The following IPO7 variants were observed in gnomAD, a reference collection of about 807,000 sequenced individuals.
IPO7 encodes importin 7, also known as importin-7.
IPO7 carries 13 observed loss-of-function variants against 136.4 expected under a neutral mutation model. That is an observed-to-expected ratio of 0.10 (90% CI 0.06 to 0.15). IPO7 has a LOEUF of 0.15. Ranked by LOEUF, IPO7 falls within the 10% of genes least tolerant of loss-of-function variation. The pLI is 1.00. For synonymous variants in IPO7, 403 were observed against 404.4 expected (o/e 1.00, Z 0.04); for missense variants, 857 against 1,240.6 (o/e 0.69, Z 4.65).
chr11:9,437,962 A>C lies in IPO7; in HGVS notation c.2477A>C (p.Asp826Ala). ...ATTACACAGTGGCTTAATGATGTTG[A>C]CTGTTTCTTGGGGTAAGTGATGTAT... ...HFITQWLNDV[D>A]CFLGLHDRKM... is the part of the protein sequence containing the mutation. Residue 826 changes from aspartate (D) to alanine (A), a missense_variant, in exon 21 of 25, where the codon GAC (aspartate) becomes GCC (alanine). Physicochemically the swap from Asp to Ala is moderately radical, Grantham distance 126 (BLOSUM62 -2). This residue lies in a region of IPO7 where 190 missense variants were observed against 249.0 expected (regional missense o/e 0.76). Coordinates refer to ENST00000379719, the MANE Select transcript of IPO7 (RefSeq NM_006391.3). 6.2e-7 allele frequency: 1 copy of C among 1,610,252 alleles called. No homozygotes were observed. The highest frequency in any genetic ancestry group is 8.5e-7 in the Non-Finnish European group (1 of 1,178,432).
intron 1 of IPO7, among the ~76,000 whole-genome samples, chr11:9,388,755 C>T (rs372061952): frequency 2.6e-5 from 4 of 151,954 alleles, no homozygotes; most frequent in East Asian, 3.9e-4. Flanking sequence ...GCAGTGGGCT[C>T]CACTGCACTA....
intron 3 of IPO7, 31 bp from the exon 4 acceptor site, chr11:9,409,897 T>G (rs762736943): frequency 3.4e-6 from 5 of 1,483,894 alleles, no homozygotes; most frequent in Non-Finnish European, 4.5e-6. Context: ...TAGTTAGGAT[T>G]TTTTCCTTAC....
chr11:9,403,043 G>T, intron 1 of IPO7: 1 of 412,146 alleles, frequency 2.4e-6, no homozygotes, highest in Non-Finnish European at 4.3e-6. Flanking sequence ...AAAAAAGAAT[G>T]CTAGTTGGGA....
chr11:9,423,398 T>C (rs1209391826), intron 9 of IPO7, among the ~76,000 whole-genome samples: 1 of 152,226 alleles, frequency 6.6e-6, no homozygotes, highest in Non-Finnish European at 1.5e-5. Flanking sequence ...TATTGGACTA[T>C]GATTATATTT....
At chr11:9,420,178 G>A (rs1047338732) in intron 6 of IPO7, 31 of 443,962 alleles carry the variant, frequency 7.0e-5, no homozygotes, top group African/African-American at 2.9e-4. Flanking sequence ...TTAGCTGGGC[G>A]TTGTGGCGGC....
At chr11:9,400,484 C>T (rs370128271) in intron 1 of IPO7, among the ~76,000 whole-genome samples, 11 of 151,840 alleles carry the variant, frequency 7.2e-5, no homozygotes, top group African/African-American at 2.4e-4. Flanking sequence ...TGCGGTGGCG[C>T]GATCTCGGCT....
intron 4 of IPO7, among the ~76,000 whole-genome samples, chr11:9,410,769 A>G (rs10770032): frequency 0.6 from 90,945 of 151,978 alleles, 27,814 homozygotes; most frequent in Non-Finnish European, 0.65. Flanking sequence ...TTTTAAGTCT[A>G]TAGTTGATAG....
At chr11:9,387,560 G>A (rs1057149750) in intron 1 of IPO7, among the ~76,000 whole-genome samples, 6 of 152,308 alleles carry the variant, frequency 3.9e-5, no homozygotes, top group South Asian at 4.1e-4. Flanking sequence ...GGCCAGGCAC[G>A]GTGGCTCACG....
chr11:9,430,492 A>T (rs1229908578), intron 15 of IPO7: 2 of 169,298 alleles, frequency 1.2e-5, no homozygotes, highest in African/African-American at 2.4e-5. Flanking sequence ...GAATTTTACA[A>T]AAGATAAATC....
chr11:9,397,361 T>TATATATATATATTAATATTA (rs377148636), intron 1 of IPO7, among the ~76,000 whole-genome samples: 1 of 42,282 alleles, frequency 2.4e-5, no homozygotes, highest in Non-Finnish European at 4.0e-5. Context: ...TATATATATA[T>TATATATATATATTAATATTA]ATATTAGTCG....
chr11:9,404,342 G>A (rs1040544853), intron 2 of IPO7, among the ~76,000 whole-genome samples: 2 of 151,504 alleles, frequency 1.3e-5, no homozygotes, highest in African/African-American at 4.8e-5. Context: ...GCGGGCGCCT[G>A]TAGTCCCAGC....
chr11:9,391,527 G>A (rs376317289), intron 1 of IPO7, among the ~76,000 whole-genome samples: 2 of 152,180 alleles, frequency 1.3e-5, no homozygotes, highest in East Asian at 3.9e-4. Context: ...CTAACATGGT[G>A]AAACCCCATT....
At chr11:9,435,112 A>C in intron 19 of IPO7, 81 bp downstream of exon 19, 1 of 827,530 alleles carries the variant, frequency 1.2e-6, no homozygotes, top group Non-Finnish European at 2.0e-6. Flanking sequence ...GTGATACCAC[A>C]TTGTAGTAAT....
At chr11:9,397,998 A>G (rs1044281343) in intron 1 of IPO7, among the ~76,000 whole-genome samples, 6 of 152,234 alleles carry the variant, frequency 3.9e-5, no homozygotes, top group Non-Finnish European at 8.8e-5. Context: ...TGATTGCAGC[A>G]GTTCTTTCCA....
At chr11:9,408,704 G>GTTTTTTTTTTTTTTTTT (rs377057603) in intron 3 of IPO7, 65 bp downstream of exon 3, 11 of 173,326 alleles carry the variant, frequency 6.3e-5, no homozygotes, top group African/African-American at 2.3e-4. Flanking sequence ...TTGTTTTTTG[G>GTTTTTTTTTTTTTTTTT]TTTTTTTTTT....
At chr11:9,433,272 C>A in intron 16 of IPO7, 1 of 307,756 alleles carries the variant, frequency 3.2e-6, no homozygotes, top group South Asian at 3.6e-5. Flanking sequence ...AGGCGTGAGC[C>A]ACCGCGCCCG....
chr11:9,409,708 T>C (rs1049271478), intron 3 of IPO7, among the ~76,000 whole-genome samples: 5 of 152,224 alleles, frequency 3.3e-5, no homozygotes, highest in African/African-American at 1.2e-4. Flanking sequence ...AACTTGTTTA[T>C]TGATGATAGG....
intron 12 of IPO7, among the ~76,000 whole-genome samples, chr11:9,426,447 A>G (rs892134273): frequency 6.6e-6 from 1 of 152,192 alleles, no homozygotes; most frequent in African/African-American, 2.4e-5. Context: ...CTGGCTGCTT[A>G]CAAATGTTGC....
chr11:9,417,177 C>T, intron 6 of IPO7, 29 bp downstream of exon 6: 1 of 914,094 alleles, frequency 1.1e-6, no homozygotes. Context: ...TCTTATATTA[C>T]TAAATGTAAA....
Sources: allele counts gnomAD v4.1 joint callset (sites outside exome capture counted in the v4.1 genomes callset), GRCh38; gene constraint gnomAD v4.1.1; regional missense constraint gnomAD v4.1.1; transcripts MANE v1.5; gene names NCBI Gene and HGNC (gene_info 2026-07-23, HGNC 2026-07-21).